HHAT: variants seen among roughly 807,000 people sequenced by gnomAD.
HHAT encodes protein-cysteine N-palmitoyltransferase HHAT.
Under a neutral mutation model 70.8 loss-of-function variants are expected in HHAT, and 47 were observed. That is an observed-to-expected ratio of 0.66 (90% CI 0.53 to 0.85). The LOEUF (loss-of-function observed/expected upper bound fraction) is 0.85, where lower values mean the gene tolerates loss of function less well. Ranked by LOEUF, HHAT falls within the 40% of genes least tolerant of loss-of-function variation. The pLI is 0.00. For missense variants in HHAT, 609 were observed against 604.8 expected (o/e 1.01, Z -0.07); for synonymous variants, 228 against 247.6 (o/e 0.92, Z 0.74).
At chr1:210,581,098 A>G (rs527891391) in intron 9 of HHAT, among the ~76,000 whole-genome samples, 1 of 152,154 alleles carries the variant, frequency 6.6e-6, no homozygotes, top group Non-Finnish European at 1.5e-5. Context: ...TTTCTTTCAT[A>G]TGTTTATTGG....
At chr1:210,348,022 G>T (rs998586947) in intron 1 of HHAT, among the ~76,000 whole-genome samples, 1 of 152,156 alleles carries the variant, frequency 6.6e-6, no homozygotes, top group Non-Finnish European at 1.5e-5. Context: ...AGTGAGGGGC[G>T]GTGGGTAACA....
At chr1:210,438,712 C>G (rs915388944) in intron 7 of HHAT, among the ~76,000 whole-genome samples, 5 of 151,688 alleles carry the variant, frequency 3.3e-5, no homozygotes, top group Non-Finnish European at 7.4e-5. Context: ...AAGCCTTGTT[C>G]ACTAAAACTA....
chr1:210,327,780 C>T (rs1352904296), upstream of HHAT, among the ~76,000 whole-genome samples: 2 of 152,206 alleles, frequency 1.3e-5, no homozygotes, highest in East Asian at 3.9e-4. Context: ...GCTGAGATTA[C>T]AGGCGTGGGC....
chr1:210,431,060 G>A (rs186713972), intron 7 of HHAT, among the ~76,000 whole-genome samples: 6 of 152,048 alleles, frequency 3.9e-5, no homozygotes, highest in Non-Finnish European at 4.4e-5. Context: ...GTGAGCCCAT[G>A]TTAATTGCTG....
chr1:210,551,122 C>T (rs146041636), intron 9 of HHAT, among the ~76,000 whole-genome samples: 1 of 149,076 alleles, frequency 6.7e-6, no homozygotes, highest in African/African-American at 2.5e-5. Flanking sequence ...AAAAGAACTC[C>T]ATGTGGCTGG....
intron 3 of HHAT, among the ~76,000 whole-genome samples, chr1:210,365,309 GTTTTTT>G (rs4027290): frequency 2.6e-5 from 2 of 78,420 alleles, no homozygotes; most frequent in Non-Finnish European, 4.5e-5. Context: ...ACTGCTGACA[GTTTTTT>G]TTTTTTTTTT....
At chr1:210,558,622 T>G (rs1007288950) in intron 9 of HHAT, among the ~76,000 whole-genome samples, 1 of 152,222 alleles carries the variant, frequency 6.6e-6, no homozygotes, top group Non-Finnish European at 1.5e-5. Flanking sequence ...CTGGTCCATT[T>G]TGAGAGGCTC....
chr1:210,446,849 C>G (rs532055106), intron 7 of HHAT, among the ~76,000 whole-genome samples: 68 of 152,166 alleles, frequency 4.5e-4, no homozygotes, highest in Non-Finnish European at 9.0e-4. Context: ...TTTTTCTGTG[C>G]GTAGGACTCA....
At chr1:210,393,117 C>T (rs1271004267) in intron 4 of HHAT, among the ~76,000 whole-genome samples, 3 of 152,066 alleles carry the variant, frequency 2.0e-5, no homozygotes, top group African/African-American at 7.2e-5. Context: ...GCTGCTTCCA[C>T]AGTTGTGCAA....
intron 1 of HHAT, among the ~76,000 whole-genome samples, chr1:210,336,194 A>G (rs551262351): frequency 6.6e-6 from 1 of 151,604 alleles, no homozygotes; most frequent in South Asian, 2.1e-4. Context: ...ATCTCAGCTC[A>G]CTGCAACCTC....
At position 210,580,106 on chromosome 1, in the gene HHAT, AATAG is replaced by A. The variant is rs142552478; in HGVS notation, c.1044-7788_1044-7785del. Among the ~76,000 whole-genome samples the A allele has an allele frequency of 3.4e-3, 514 of 152,346 alleles. 5 individuals are homozygous for A. Among genetic ancestry groups the A allele is most frequent in the African/African-American group, 0.012 (488 of 41,580 alleles). On this transcript the variant is annotated intron_variant, in intron 9 of 11. Coordinates refer to ENST00000261458, the MANE Select transcript of HHAT (RefSeq NM_018194.6). ...TTGCCAAAGAGGGCATAGAATTTTT[AATAG>A]ATAATTTTCAGAATTGCATATGAAG... is the stretch of plus-strand genomic sequence containing the variant.
chr1:210,471,948 G>A (rs537110075), intron 8 of HHAT, among the ~76,000 whole-genome samples: 2 of 152,180 alleles, frequency 1.3e-5, no homozygotes, highest in African/African-American at 4.8e-5. Flanking sequence ...CTGAAATTTT[G>A]TATCCTATGA....
At chr1:210,582,999 AC>A (rs1408041152) in intron 9 of HHAT, among the ~76,000 whole-genome samples, 11 of 152,324 alleles carry the variant, frequency 7.2e-5, no homozygotes, top group Middle Eastern at 3.4e-3. Context: ...ATTTGGTTAA[AC>A]GAGAAATATA....
At chr1:210,435,027 A>G (rs2093342326) in intron 7 of HHAT, among the ~76,000 whole-genome samples, 1 of 151,808 alleles carries the variant, frequency 6.6e-6, no homozygotes, top group African/African-American at 2.4e-5. Context: ...ACAATCAATT[A>G]ATGTTAACTA....
chr1:210,542,282 A>G (rs1225664316), intron 9 of HHAT, among the ~76,000 whole-genome samples: 2 of 152,028 alleles, frequency 1.3e-5, no homozygotes, highest in African/African-American at 2.4e-5. Context: ...TTGGCCTCCA[A>G]CTGCCCAAAT....
intron 11 of HHAT, 46 bp from the exon 12 acceptor site, chr1:210,674,242 C>G: frequency 6.6e-7 from 1 of 1,513,286 alleles, no homozygotes; most frequent in East Asian, 2.3e-5. Flanking sequence ...GATGTCCTGC[C>G]CCAAGCATTT....
chr1:210,662,148 C>T (rs987755328), intron 11 of HHAT, among the ~76,000 whole-genome samples: 1 of 152,144 alleles, frequency 6.6e-6, no homozygotes, highest in African/African-American at 2.4e-5. Context: ...GTCATCTGCA[C>T]AATTGGATCC....
intron 8 of HHAT, among the ~76,000 whole-genome samples, chr1:210,467,897 T>A (rs2094136419): frequency 6.6e-6 from 1 of 152,134 alleles, no homozygotes; most frequent in African/African-American, 2.4e-5. Context: ...GCCTGCCGTA[T>A]CAGAGGAATA....
In HHAT at chr1:210,623,759, G is replaced by A. The variant is rs1230873085; in HGVS notation, c.1390+89G>A. 2.9e-6 allele frequency: 4 copies of A among 1,358,556 alleles called. No individual in the cohort carries two copies. The Admixed American group carries it at 6.0e-5, about 20-fold the overall frequency. The allele number at this position is 1,358,556 out of a possible 1,614,324, so 84.2% of individuals were successfully genotyped here. ...ATACATGGGATGGATGGGATTTGGG[G>A]GAAGTCATTCATTGTTATGTTCATG... On this transcript the variant is annotated intron_variant, in intron 11 of 11. Transcript: ENST00000261458.
Sources: allele counts gnomAD v4.1 joint callset (sites outside exome capture counted in the v4.1 genomes callset), GRCh38; gene constraint gnomAD v4.1.1; transcripts MANE v1.5; gene names NCBI Gene and HGNC (gene_info 2026-07-23, HGNC 2026-07-21).